Variants in CTNND2 observed in about 807,000 individuals in gnomAD.
The protein encoded by CTNND2 is catenin delta-2.
A neutral mutation model predicts 144.4 loss-of-function variants in CTNND2; 22 were observed. The observed-to-expected ratio is 0.15, with a 90% CI of 0.11 to 0.22. The LOEUF (loss-of-function observed/expected upper bound fraction) is 0.22. Among genes scored for constraint, CTNND2 ranks in the 10% least tolerant of loss-of-function variants. CTNND2 has a pLI of 1.00. For missense variants in CTNND2, 1,353 were observed against 1,618.8 expected, an observed-to-expected ratio of 0.84 and a Z score of 2.82; for synonymous variants, 751 against 695.6, an observed-to-expected ratio of 1.08 and a Z score of -1.25.
intron 9 of CTNND2, among the ~76,000 whole-genome samples, chr5:11,254,291 A>G (rs1277178035): frequency 6.6e-6 from 1 of 152,212 alleles, no homozygotes; most frequent in Admixed American, 6.5e-5. Flanking sequence ...TTCCCTGAAT[A>G]CATACCCTCT....
At chr5:11,099,593 C>A (rs1219813503) in intron 14 of CTNND2, among the ~76,000 whole-genome samples, 3 of 152,032 alleles carry the variant, frequency 2.0e-5, no homozygotes, top group Non-Finnish European at 2.9e-5. Flanking sequence ...TAAAATGCAT[C>A]ATAAAATACC....
intron 3 of CTNND2, among the ~76,000 whole-genome samples, chr5:11,537,332 C>T (rs1317755628): frequency 6.6e-6 from 1 of 152,056 alleles, no homozygotes; most frequent in Non-Finnish European, 1.5e-5. Flanking sequence ...AAACAAAATC[C>T]TTTCTCTGAT....
intron 16 of CTNND2, among the ~76,000 whole-genome samples, chr5:11,074,062 G>A (rs1748644648): frequency 6.6e-6 from 1 of 152,068 alleles, no homozygotes; most frequent in African/African-American, 2.4e-5. Context: ...GCCTTCCTGG[G>A]TTGCACTGGA....
Position 11,903,877 on chromosome 5 carries a change from C to T in CTNND2, c.-24G>A, listed in dbSNP as rs1437170899. On this transcript the variant is annotated 5_prime_UTR_variant, in exon 1 of 22. Transcript: ENST00000304623. This position sits in a 1 kb window ranked among gnomAD's most constrained non-coding sequence, Gnocchi z 5.4. ...ATGCACCCTCCGCCGGCGACAGCTCCTCAGTCCGGGAAGAGGCGTGCGCGG... is the reference window on the plus strand; with the variant it reads ...ATGCACCCTCCGCCGGCGACAGCTCTTCAGTCCGGGAAGAGGCGTGCGCGG... The T allele has an allele frequency of 6.8e-7, 1 of 1,461,536 alleles. No individual in the cohort carries two copies. Among genetic ancestry groups the T allele is most frequent in the South Asian group, 1.3e-5 (1 of 75,288 alleles). 90.5% of individuals were successfully genotyped at this position (1,461,536 alleles called of 1,614,324 possible). A position where few individuals can be genotyped will look rare whatever the true frequency, so the allele number is the denominator to read the frequency against.
At chr5:11,341,038 C>T (rs32134) in intron 9 of CTNND2, among the ~76,000 whole-genome samples, 48,354 of 151,982 alleles carry the variant, frequency 0.32, 8,105 homozygotes, top group Admixed American at 0.48. Flanking sequence ...GTAACACTTA[C>T]TCTCTTTCTA....
intron 10 of CTNND2, among the ~76,000 whole-genome samples, chr5:11,220,299 C>T (rs1048229468): frequency 1.3e-5 from 2 of 152,138 alleles, no homozygotes; most frequent in Non-Finnish European, 2.9e-5. Context: ...GGCTTAAAAG[C>T]CCCATAGATG....
chr5:11,249,447 G>T (rs1743344329), intron 9 of CTNND2, among the ~76,000 whole-genome samples: 1 of 152,144 alleles, frequency 6.6e-6, no homozygotes, highest in African/African-American at 2.4e-5. Flanking sequence ...GTTCTGGATT[G>T]GGTGCTACGA....
At chr5:11,481,821 A>T (rs1197740400) in intron 3 of CTNND2, among the ~76,000 whole-genome samples, 3 of 152,228 alleles carry the variant, frequency 2.0e-5, no homozygotes, top group Admixed American at 6.5e-5. Context: ...GGTGAAAAAC[A>T]GAAAGAGTTA....
At chr5:11,531,565 A>G (rs181911737) in intron 3 of CTNND2, among the ~76,000 whole-genome samples, 9 of 152,254 alleles carry the variant, frequency 5.9e-5, no homozygotes, top group Non-Finnish European at 1.5e-5. Flanking sequence ...GGCAGAGATT[A>G]CAGTGAGCTG....
At chr5:11,671,893 G>C (rs1783891621) in intron 2 of CTNND2, among the ~76,000 whole-genome samples, 1 of 152,104 alleles carries the variant, frequency 6.6e-6, no homozygotes, top group Admixed American at 6.6e-5. Context: ...TTTTTGCAAT[G>C]GTTTCTCCCC....
intron 3 of CTNND2, among the ~76,000 whole-genome samples, chr5:11,452,382 T>G (rs1765379790): frequency 6.6e-6 from 1 of 152,276 alleles, no homozygotes; most frequent in African/African-American, 2.4e-5. Context: ...AAGAATAAAA[T>G]TTTATAATTT....
intron 8 of CTNND2, among the ~76,000 whole-genome samples, chr5:11,356,554 G>T (rs1755900099): frequency 1.3e-5 from 2 of 151,874 alleles, no homozygotes. Flanking sequence ...ACTCAAAATG[G>T]GTTAAAGACT....
At chr5:11,780,124 G>A (rs1191940003) in intron 1 of CTNND2, among the ~76,000 whole-genome samples, 3 of 152,176 alleles carry the variant, frequency 2.0e-5, no homozygotes, top group Non-Finnish European at 4.4e-5. Context: ...ACTGCAGACA[G>A]TAGTACATTG....
At chr5:11,048,615 T>C (rs1745522097) in intron 16 of CTNND2, among the ~76,000 whole-genome samples, 1 of 152,216 alleles carries the variant, frequency 6.6e-6, no homozygotes. Context: ...ACTGCCCCTG[T>C]GTTGAGCTGA....
chr5:11,624,980 A>C (rs1270653972), intron 2 of CTNND2, among the ~76,000 whole-genome samples: 1 of 152,026 alleles, frequency 6.6e-6, no homozygotes, highest in African/African-American at 2.4e-5. Context: ...ACAAACAAAA[A>C]TCCATTGACA....
intron 1 of CTNND2, among the ~76,000 whole-genome samples, chr5:11,773,483 T>A (rs1390482143): frequency 6.6e-6 from 1 of 152,338 alleles, no homozygotes; most frequent in East Asian, 1.9e-4. Flanking sequence ...ACTTATTTTT[T>A]CTTTACAAGT....
At chr5:11,596,020 T>C (rs934677824) in intron 2 of CTNND2, among the ~76,000 whole-genome samples, 2 of 152,170 alleles carry the variant, frequency 1.3e-5, no homozygotes, top group African/African-American at 2.4e-5. Flanking sequence ...CCAAGACACA[T>C]ACAGACATGC....
intron 11 of CTNND2, among the ~76,000 whole-genome samples, chr5:11,177,998 G>C (rs185885064): frequency 1.3e-5 from 2 of 152,260 alleles, no homozygotes. Flanking sequence ...CTGATATTCT[G>C]GCAGTGGTGT....
In CTNND2 at chr5:11,523,416, T is replaced by C. The variant is rs535196674; in HGVS notation, c.287+41528A>G. ...GAGGCACACTTGCGTAACCATCGAG[T>C]CTCTCAACAATGAATGATCCTAAAT... On this transcript the variant is annotated intron_variant, in intron 3 of 21. Transcript: ENST00000304623. Among the ~76,000 whole-genome samples the C allele has an allele frequency of 2.0e-5, 3 of 152,136 alleles. 1 individual carries two copies. The highest frequency in any genetic ancestry group is 4.2e-4 in the South Asian group (2 of 4,812).
Sources: allele counts gnomAD v4.1 joint callset (sites outside exome capture counted in the v4.1 genomes callset), GRCh38; gene constraint gnomAD v4.1.1; non-coding constraint Gnocchi (gnomAD v3.1); transcripts MANE v1.5; gene names NCBI Gene and HGNC (gene_info 2026-07-23, HGNC 2026-07-21).